Variants in ARHGEF25 observed in about 807,000 individuals in gnomAD.
ARHGEF25 encodes the protein Rho guanine nucleotide exchange factor 25.
A neutral mutation model predicts 74.0 loss-of-function variants in ARHGEF25; 42 were observed. The observed-to-expected ratio is 0.57, with a 90% CI of 0.44 to 0.73. ARHGEF25 has a LOEUF of 0.73. ARHGEF25 is among the 30% of genes least tolerant of loss of function. ARHGEF25 has a pLI of 0.00. For missense variants in ARHGEF25, 645 were observed against 725.5 expected (o/e 0.89, Z 1.27); for synonymous variants, 293 against 278.6 (o/e 1.05, Z -0.51).
At position 57,613,307 on chromosome 12, in the gene ARHGEF25, C is replaced by T. The variant is rs140645509; in HGVS notation, c.356C>T (p.Pro119Leu). The change falls in exon 3 of 15, where the codon CCG (proline) becomes CTG (leucine). Residue 119 changes from proline (P) to leucine (L), a missense_variant. Physicochemically the swap from Pro to Leu is moderately conservative, Grantham distance 98. Transcript: ENST00000286494. ...GCTCTAGCCACAGGAGAGGAGCTGCCGGAACTGACCTTGCTGACCACACTG... is the reference window on the plus strand; with the variant it reads ...GCTCTAGCCACAGGAGAGGAGCTGCTGGAACTGACCTTGCTGACCACACTG... ...EPALATGEEL[P>L]ELTLLTTLLE... The T allele has an allele frequency of 1.4e-5, 22 of 1,614,206 alleles. No individual in the cohort carries two copies. Among genetic ancestry groups the T allele is most frequent in the Middle Eastern group, 1.6e-4 (1 of 6,062 alleles).
chr12:57,616,762 C>A (rs1349350875), intron 14 of ARHGEF25, 22 bp from the exon 15 acceptor site: 1 of 1,547,904 alleles, frequency 6.5e-7, no homozygotes, highest in South Asian at 1.1e-5. Context: ...TTTTGATCCT[C>A]TGACTTGAAT....
In ARHGEF25 at chr12:57,611,516, A is replaced by C; in HGVS notation, c.-379A>C. On this transcript the variant is annotated 5_prime_UTR_variant, in exon 1 of 15. Transcript: ENST00000286494. The surrounding 1 kb of genome is among the most constrained non-coding windows in gnomAD (Gnocchi z 4.5). ...CTCGCCTCCTCCCCGGCCCGGGCCT[A>C]GAGCCACCCCTAACCAGAGGCCGGA... 2.0e-6 allele frequency: 2 copies of C among 984,688 alleles called. No homozygotes were observed. The highest frequency in any genetic ancestry group is 2.4e-6 in the Non-Finnish European group (2 of 830,042). The allele number at this position is 984,688 out of a possible 1,614,324, so 61.0% of individuals were successfully genotyped here. A position where few individuals can be genotyped will look rare whatever the true frequency, so the allele number is the denominator to read the frequency against.
In ARHGEF25 at chr12:57,616,041, C is replaced by T. The variant is rs370911653; in HGVS notation, c.1420+24C>T. The T allele has an allele frequency of 4.1e-5, 66 of 1,599,264 alleles. No homozygotes were observed. In the African/African-American group the frequency reaches 5.5e-4, roughly 13 times the overall value. On this transcript the variant is annotated intron_variant, in intron 13 of 14. Transcript: ENST00000286494. ...CGGTGAAGCTCTCATCCTTTCTTCC[C>T]GATGTGCTCTCTCAGCCCCTTAACC...
In ARHGEF25 at chr12:57,616,287, T is replaced by C; in HGVS notation, c.1424T>C (p.Leu475Ser). ...TCTGTTCCTCTCTTTGCTCCAGCAT[T>C]GCAGTCACCCATTGAGTACCAGAGA... is the stretch of plus-strand genomic sequence containing the variant. ...LESQRDFLNALQSPIEYQRRE... is the reference protein window; with the variant it reads ...LESQRDFLNASQSPIEYQRRE... The change falls in exon 14 of 15, where the codon TTG becomes TCG. Residue 475 changes from leucine (L) to serine (S), a missense_variant. By Grantham distance (145) the Leu-to-Ser change is moderately radical. Coordinates refer to ENST00000286494, the MANE Select transcript of ARHGEF25 (RefSeq NM_182947.4). 1 of 1,611,040 alleles carries C rather than the reference T, an allele frequency of 6.2e-7. No homozygotes were observed. The highest frequency in any genetic ancestry group is 1.1e-5 in the South Asian group (1 of 90,844).
rs1027242046 is a variant in ARHGEF25, at chr12:57,615,149, C to T, written c.961-88C>T. The T allele has an allele frequency of 2.5e-5, 39 of 1,553,586 alleles. No individual in the cohort carries two copies. The African/African-American group carries it at 3.4e-4, about 14-fold the overall frequency. On this transcript the variant is annotated intron_variant, in intron 10 of 14. Transcript: ENST00000286494. Reference sequence around the variant, plus strand: ...GGGAGGCTGGTTGGGGTTGAGATACCGTCTGAAGAGGCAACTGGCCGAGGA... The same window carrying T: ...GGGAGGCTGGTTGGGGTTGAGATACTGTCTGAAGAGGCAACTGGCCGAGGA...
chr12:57,612,756 G>C, intron 1 of ARHGEF25, 174 bp from the exon 2 acceptor site: 1 of 1,480,590 alleles, frequency 6.8e-7, no homozygotes, highest in Non-Finnish European at 8.9e-7. Flanking sequence ...TTTCTCCCAG[G>C]GGTGCCCTGG....
rs1884159361 is a variant in ARHGEF25, at chr12:57,613,747, G to A, written c.539G>A (p.Gly180Glu). ...GAGAAAATGTACGTGGACGACTTGG[G>A]GCAGATTGTGGAGGTAGCTCCCTTT... ...ETEKMYVDDLGQIVEGYMATM... is the reference protein window; with the variant it reads ...ETEKMYVDDLEQIVEGYMATM... The change falls in exon 5 of 15, where the codon GGG becomes GAG. Residue 180 changes from glycine to glutamate, a missense_variant. By Grantham distance (98) the Gly-to-Glu change is moderately conservative. Transcript: ENST00000286494. 6.2e-7 allele frequency: 1 copy of A among 1,613,948 alleles called. No homozygotes were observed. Among genetic ancestry groups the A allele is most frequent in the South Asian group, 1.1e-5 (1 of 91,078 alleles).
rs1884253750 is a variant in ARHGEF25, at chr12:57,615,700, G to A, written c.1227G>A (p.Lys409=). The A allele has an allele frequency of 6.2e-7, 1 of 1,614,044 alleles. No individual in the cohort carries two copies. ...RGGTQPGYVY[K]NSIKVSCLGL... is the part of the protein sequence containing the mutation. The stretch of plus-strand genomic sequence containing the variant: ...GAACACAGCCTGGATATGTATACAA[G>A]AACAGCATTAAGGTGGGGAGAAGGC... Residue 409 remains lysine, a synonymous_variant, in exon 12 of 15, where the codon AAG becomes AAA. Transcript: ENST00000286494.
chr12:57,613,196 C>T, intron 2 of ARHGEF25, 52 bp downstream of exon 2: 1 of 1,609,834 alleles, frequency 6.2e-7, no homozygotes. Flanking sequence ...AGGACACTGG[C>T]AGAGAGGGCA....
Position 57,616,428 on chromosome 12 carries a change from C to G in ARHGEF25, c.1565C>G (p.Ser522Cys), listed in dbSNP as rs199891478. The change falls in exon 14 of 15, where the codon TCT (serine) becomes TGT (cysteine). Residue 522 changes from serine (S) to cysteine (C), a missense_variant. Around this residue, in one of 3 missense-constraint regions of ARHGEF25, gnomAD observed 262 missense variants for 256.9 expected, o/e 1.02. Coordinates refer to ENST00000286494, the MANE Select transcript of ARHGEF25 (RefSeq NM_182947.4). ...AGCACACACACACCCATCAATGGCT[C>G]TCTCCCCTCTCTGCTGCTGTCACCC... ...QGSTHTPING[S>C]LPSLLLSPKG... 1.8e-5 allele frequency: 29 copies of G among 1,614,044 alleles called. No homozygotes were observed. In the South Asian group the frequency reaches 3.2e-4, roughly 18 times the overall value.
Position 57,611,979 on chromosome 12 carries a change from C to CG in ARHGEF25, c.92dup (p.Arg32ThrfsTer2), listed in dbSNP as rs748506876. ...GGCAAAATGCGGCTGCTGCTTCGCC[C>CG]GGGGGGGACGTGGTGAGTGCCAGGT... On this transcript the variant is annotated frameshift_variant, in exon 1 of 15. Coordinates refer to ENST00000286494, the MANE Select transcript of ARHGEF25 (RefSeq NM_182947.4). LOFTEE classifies it high-confidence loss of function. The surrounding 1 kb of genome is among the most constrained non-coding windows in gnomAD (Gnocchi z 4.5). 15 of 1,307,702 alleles carry CG rather than the reference C, an allele frequency of 1.1e-5. No individual in the cohort carries two copies. The highest frequency in any genetic ancestry group is 6.1e-5 in the Admixed American group (2 of 32,546). The allele number at this position is 1,307,702 out of a possible 1,614,324, so 81.0% of individuals were successfully genotyped here.
At position 57,611,667 on chromosome 12, in the gene ARHGEF25, C is replaced by G; in HGVS notation, c.-228C>G. On this transcript the variant is annotated 5_prime_UTR_variant, in exon 1 of 15. Transcript: ENST00000286494. This position sits in a 1 kb window ranked among gnomAD's most constrained non-coding sequence, Gnocchi z 4.5. ...CGGAAACCCTCCCCGCCCAGCCCGG[C>G]GGCCGGGCCCCGCGCCTCTCTCTCT... 9.0e-7 allele frequency: 1 copy of G among 1,113,312 alleles called. No homozygotes were observed. Among genetic ancestry groups the G allele is most frequent in the Non-Finnish European group, 1.1e-6 (1 of 911,984 alleles). The allele number at this position is 1,113,312 out of a possible 1,614,324, so 69.0% of individuals were successfully genotyped here.
At position 57,616,666 on chromosome 12, in the gene ARHGEF25, A is replaced by G. The variant is rs897696798; in HGVS notation, c.1633-118A>G. On this transcript the variant is annotated intron_variant, in intron 14 of 14. Transcript: ENST00000286494. ...TAACTCTGGAGAAGCTGATAGTCTC[A>G]GACAGTCTAAGATATCTAGCAAGAG... The G allele has an allele frequency of 3.2e-5, 31 of 969,918 alleles. No homozygotes were observed. In the South Asian group the frequency reaches 4.8e-4, roughly 15 times the overall value. 60.1% of individuals were successfully genotyped at this position (969,918 alleles called of 1,614,324 possible). A position where few individuals can be genotyped will look rare whatever the true frequency, so the allele number is the denominator to read the frequency against.
rs369675789 is a variant in ARHGEF25, at chr12:57,613,095, G to T, written c.263G>T (p.Cys88Phe). The change falls in exon 2 of 15, where the codon TGT becomes TTT. Residue 88 changes from cysteine (C) to phenylalanine (F), a missense_variant. Coordinates refer to ENST00000286494, the MANE Select transcript of ARHGEF25 (RefSeq NM_182947.4). ...LRRWLDHSKH[C>F]LSVETEADSG... Reference sequence around the variant, plus strand: ...AGATGGTTGGATCATTCCAAACATTGTCTCAGTGTGGAAACTGAGGCAGAC... The same window carrying T: ...AGATGGTTGGATCATTCCAAACATTTTCTCAGTGTGGAAACTGAGGCAGAC... 1 of 1,613,850 alleles carries T rather than the reference G, an allele frequency of 6.2e-7. No homozygotes were observed. Among genetic ancestry groups the T allele is most frequent in the Admixed American group, 1.7e-5 (1 of 59,990 alleles).
chr12:57,615,718 G>T lies in ARHGEF25; in HGVS notation c.1239+6G>T. On this transcript the variant is annotated splice_donor_region_variant and intron_variant, in intron 12 of 14. Transcript: ENST00000286494. ...TATACAAGAACAGCATTAAGGTGGG[G>T]AGAAGGCCACGAGGGAGGGCTTGGA... is the stretch of plus-strand genomic sequence containing the variant. The T allele has an allele frequency of 6.2e-7, 1 of 1,614,180 alleles. No individual in the cohort carries two copies. The highest frequency in any genetic ancestry group is 8.5e-7 in the Non-Finnish European group (1 of 1,180,028).
upstream of ARHGEF25, chr12:57,610,681 C>T (rs1428899964): frequency 2.5e-6 from 4 of 1,605,868 alleles, no homozygotes; most frequent in African/African-American, 2.7e-5. Flanking sequence ...GGCTCTGCAG[C>T]CCGGTAAGAA....
rs1565727259 is a variant in ARHGEF25 at position 57,614,182 on chromosome 12, C to T, written c.656+63C>T. 1 of 1,594,190 alleles carries T rather than the reference C, an allele frequency of 6.3e-7. No individual in the cohort carries two copies. ...GGGCCCTCATCTGGTTGTCCTGTATCCTAACATCAGCCCATTGCGACTTAA... is the reference window on the plus strand; with the variant it reads ...GGGCCCTCATCTGGTTGTCCTGTATTCTAACATCAGCCCATTGCGACTTAA... On this transcript the variant is annotated intron_variant, in intron 6 of 14. Coordinates refer to ENST00000286494, the MANE Select transcript of ARHGEF25 (RefSeq NM_182947.4). The surrounding 1 kb of genome is among the most constrained non-coding windows in gnomAD (Gnocchi z 4.6).
intron 11 of ARHGEF25, 47 bp downstream of exon 11, chr12:57,615,361 C>T (rs1290764481): frequency 3.8e-6 from 6 of 1,583,162 alleles, no homozygotes; most frequent in Non-Finnish European, 5.2e-6. Flanking sequence ...TCTTCTGCCC[C>T]AGCCCTAGCA....
At position 57,611,609 on chromosome 12, in the gene ARHGEF25, T is replaced by G; in HGVS notation, c.-286T>G. Reference sequence around the variant, plus strand: ...CCATCCCTCCCCCTTCCACTGGACATCTGGACCCTAGGCCCCCGCACCGAC... The same window carrying G: ...CCATCCCTCCCCCTTCCACTGGACAGCTGGACCCTAGGCCCCCGCACCGAC... On this transcript the variant is annotated 5_prime_UTR_variant, in exon 1 of 15. Coordinates refer to ENST00000286494, the MANE Select transcript of ARHGEF25 (RefSeq NM_182947.4). The surrounding 1 kb of genome is among the most constrained non-coding windows in gnomAD (Gnocchi z 4.5). The G allele has an allele frequency of 3.9e-6, 4 of 1,014,960 alleles. No individual in the cohort carries two copies. The highest frequency in any genetic ancestry group is 8.4e-5 in the East Asian group (1 of 11,856). 62.9% of individuals were successfully genotyped at this position (1,014,960 alleles called of 1,614,324 possible).
Sources: allele counts gnomAD v4.1 joint callset, GRCh38; gene constraint gnomAD v4.1.1; regional missense constraint gnomAD v4.1.1; non-coding constraint Gnocchi (gnomAD v3.1); transcripts MANE v1.5; gene names NCBI Gene and HGNC (gene_info 2026-07-23, HGNC 2026-07-21).